Variants in AK5 observed in about 807,000 individuals in gnomAD.
AK5 encodes the protein adenylate kinase isoenzyme 5.
Under a neutral mutation model 69.5 loss-of-function variants are expected in AK5, and 27 were observed. The ratio of observed to expected loss-of-function variants is 0.39; its 90% CI spans 0.29 to 0.54. The LOEUF (loss-of-function observed/expected upper bound fraction) is 0.54. Ranked by LOEUF, AK5 falls within the 20% of genes least tolerant of loss-of-function variation. The pLI is 0.71. For synonymous variants in AK5, 260 were observed against 244.4 expected (o/e 1.06, Z -0.60); for missense variants, 531 against 700.4 (o/e 0.76, Z 2.73).
intron 8 of AK5, among the ~76,000 whole-genome samples, chr1:77,466,673 T>C (rs755333339): frequency 1.5e-4 from 23 of 152,164 alleles, no homozygotes; most frequent in South Asian, 2.1e-4. Flanking sequence ...GAAACCAAGA[T>C]CAAGGTGCCA....
Position 77,282,344 on chromosome 1 carries a change from G to T in AK5, c.31G>T (p.Ala11Ser). 4 of 1,560,874 alleles carry T rather than the reference G, an allele frequency of 2.6e-6. No homozygotes were observed. The highest frequency in any genetic ancestry group is 3.5e-6 in the Non-Finnish European group (4 of 1,152,710). Residue 11 changes from alanine (A) to serine (S), a missense_variant, in exon 1 of 14, where the codon GCC becomes TCC. Transcript: ENST00000354567. Reference sequence around the variant, plus strand: ...CACCAACGATGCCAAGGAGTATCTGGCCCGGAGGGAAATCCCTCAGCTTTT... The same window carrying T: ...CACCAACGATGCCAAGGAGTATCTGTCCCGGAGGGAAATCCCTCAGCTTTT... MNTNDAKEYL[A>S]RREIPQLFES...
chr1:77,552,099 G>T (rs1333609462), intron 13 of AK5, among the ~76,000 whole-genome samples: 1 of 152,106 alleles, frequency 6.6e-6, no homozygotes, highest in South Asian at 2.1e-4. Context: ...ATCTGATTGG[G>T]GTGCTCATCC....
intron 6 of AK5, among the ~76,000 whole-genome samples, chr1:77,397,527 A>G (rs146777024): frequency 9.2e-4 from 140 of 152,300 alleles, no homozygotes; most frequent in Admixed American, 2.7e-3. Context: ...ATGATTGTCC[A>G]CTAATCCAAT....
intron 2 of AK5, among the ~76,000 whole-genome samples, chr1:77,287,925 A>G (rs945997956): frequency 3.9e-5 from 6 of 152,164 alleles, no homozygotes; most frequent in East Asian, 3.8e-4. Flanking sequence ...TAGGTTTTCA[A>G]TCTTGTCTAC....
intron 10 of AK5, among the ~76,000 whole-genome samples, chr1:77,496,912 C>CAA (rs1174964260): frequency 2.0e-5 from 3 of 152,074 alleles, no homozygotes; most frequent in Admixed American, 2.0e-4. Context: ...TAAAATGGAC[C>CAA]AATCGGCACT....
intron 13 of AK5, among the ~76,000 whole-genome samples, chr1:77,556,902 G>A (rs1475532350): frequency 6.6e-6 from 1 of 151,952 alleles, no homozygotes; most frequent in African/African-American, 2.4e-5. Flanking sequence ...TGCAGTTATG[G>A]CCTGGAAAGC....
intron 13 of AK5, among the ~76,000 whole-genome samples, chr1:77,543,825 C>T (rs1251853985): frequency 6.6e-6 from 1 of 152,076 alleles, no homozygotes; most frequent in Non-Finnish European, 1.5e-5. Context: ...AGAGCAGGGA[C>T]AATGGAGGGA....
intron 8 of AK5, among the ~76,000 whole-genome samples, chr1:77,477,122 G>T (rs1456333419): frequency 6.6e-6 from 1 of 151,868 alleles, no homozygotes; most frequent in East Asian, 1.9e-4. Context: ...CAACCTCCTA[G>T]GCCCAAGCCG....
Position 77,295,970 on chromosome 1 carries a change from C to G in AK5, c.416-1589C>G, listed in dbSNP as rs75910333. On this transcript the variant is annotated intron_variant, in intron 3 of 13. Transcript: ENST00000354567. ...ATGATTCTTGTTATAGGCTTACATG[C>G]TGTGTTGTAACATTTTATATATTAC... is the stretch of plus-strand genomic sequence containing the variant. Among the ~76,000 whole-genome samples the G allele has an allele frequency of 5.4e-4, 82 of 152,220 alleles. 1 individual carries two copies. The East Asian group carries it at 0.012, about 22-fold the overall frequency.
intron 5 of AK5, among the ~76,000 whole-genome samples, chr1:77,327,380 G>A (rs1313383550): frequency 8.9e-6 from 1 of 112,820 alleles, no homozygotes; most frequent in Admixed American, 1.0e-4. Context: ...AACAGAGCAA[G>A]ATCCTGTCTC....
chr1:77,398,591 A>G (rs553140997), intron 6 of AK5, among the ~76,000 whole-genome samples: 1 of 152,350 alleles, frequency 6.6e-6, no homozygotes, highest in Admixed American at 6.5e-5. Flanking sequence ...CTTGACGAGT[A>G]TTTGTCTAAC....
At chr1:77,399,668 C>T (rs910348923) in intron 6 of AK5, among the ~76,000 whole-genome samples, 4 of 152,128 alleles carry the variant, frequency 2.6e-5, no homozygotes, top group African/African-American at 9.7e-5. Flanking sequence ...TCCATTCTCC[C>T]ATCTCAGAGA....
At chr1:77,345,607 A>G (rs975284895) in intron 6 of AK5, among the ~76,000 whole-genome samples, 2 of 152,206 alleles carry the variant, frequency 1.3e-5, no homozygotes, top group Non-Finnish European at 2.9e-5. Flanking sequence ...ATTGGGAAAC[A>G]CTCATCACAA....
At chr1:77,319,119 GAC>G (rs1056570216) in intron 5 of AK5, among the ~76,000 whole-genome samples, 5 of 152,140 alleles carry the variant, frequency 3.3e-5, no homozygotes, top group African/African-American at 1.2e-4. Context: ...CCTAGAAAAA[GAC>G]AGATGTATGA....
At chr1:77,455,203 A>G (rs551658984) in intron 8 of AK5, among the ~76,000 whole-genome samples, 2 of 152,336 alleles carry the variant, frequency 1.3e-5, no homozygotes, top group African/African-American at 4.8e-5. Flanking sequence ...AATCTCCCTG[A>G]CTTCAAAACT....
intron 8 of AK5, among the ~76,000 whole-genome samples, chr1:77,434,073 A>C (rs1651808431): frequency 1.3e-5 from 2 of 150,962 alleles, no homozygotes; most frequent in African/African-American, 4.9e-5. Flanking sequence ...CCGTGGCTTA[A>C]AATCTGATGA....
At chr1:77,348,608 T>TA (rs1662033264) in intron 6 of AK5, among the ~76,000 whole-genome samples, 1 of 152,194 alleles carries the variant, frequency 6.6e-6, no homozygotes, top group African/African-American at 2.4e-5. Context: ...TCTTCAACAA[T>TA]AGCTTGTCTT....
chr1:77,330,221 G>A (rs1204763776), intron 5 of AK5, among the ~76,000 whole-genome samples: 1 of 152,126 alleles, frequency 6.6e-6, no homozygotes, highest in Non-Finnish European at 1.5e-5. Flanking sequence ...AATAATAAGT[G>A]TGTTTTTCTC....
rs878954669 is a variant in AK5 at position 77,297,411 on chromosome 1, A to G, written c.416-148A>G. 1.2e-5 allele frequency: 7 copies of G among 608,614 alleles called. No homozygotes were observed. In the South Asian group the frequency reaches 1.3e-4, roughly 11 times the overall value. 37.7% of individuals were successfully genotyped at this position (608,614 alleles called of 1,614,324 possible). A position where few individuals can be genotyped will look rare whatever the true frequency, so the allele number is the denominator to read the frequency against. On this transcript the variant is annotated intron_variant, in intron 3 of 13. Coordinates refer to ENST00000354567, the MANE Select transcript of AK5 (RefSeq NM_174858.3). ...AAAGTCTCTACTTGCTTTACATTCA[A>G]AGGCAGCACTGAGAATGCCACAAAT...
Sources: allele counts gnomAD v4.1 joint callset (sites outside exome capture counted in the v4.1 genomes callset), GRCh38; gene constraint gnomAD v4.1.1; transcripts MANE v1.5; gene names NCBI Gene and HGNC (gene_info 2026-07-23, HGNC 2026-07-21).